DNER: variants seen among roughly 807,000 people sequenced by gnomAD.
The protein encoded by DNER is delta/notch like EGF repeat containing.
DNER carries 33 observed loss-of-function variants against 78.2 expected under a neutral mutation model. The ratio of observed to expected loss-of-function variants is 0.42; its 90% CI spans 0.32 to 0.56. The LOEUF (loss-of-function observed/expected upper bound fraction) is 0.56. DNER is among the 20% of genes least tolerant of loss of function. The pLI is 0.11. For synonymous variants in DNER, 417 were observed against 384.8 expected (o/e 1.08, Z -0.98); for missense variants, 918 against 975.3 (o/e 0.94, Z 0.78).
chr2:229,407,018 C>T (rs960134507), intron 10 of DNER, among the ~76,000 whole-genome samples: 5 of 152,154 alleles, frequency 3.3e-5, no homozygotes, highest in African/African-American at 7.2e-5. Flanking sequence ...TAAGTCTAGA[C>T]GCCAAACAAC....
At chr2:229,526,159 C>T (rs1392370039) in intron 5 of DNER, among the ~76,000 whole-genome samples, 1 of 152,148 alleles carries the variant, frequency 6.6e-6, no homozygotes, top group Admixed American at 6.6e-5. Flanking sequence ...ACAAAATAAA[C>T]CTTTCTTGCT....
intron 1 of DNER, among the ~76,000 whole-genome samples, chr2:229,651,630 A>G (rs1266800521): frequency 6.6e-6 from 1 of 152,174 alleles, no homozygotes; most frequent in Admixed American, 6.5e-5. Context: ...GTTTTAGATA[A>G]CTCAGCCTGG....
At chr2:229,566,786 C>A (rs776120877) in intron 4 of DNER, among the ~76,000 whole-genome samples, 12 of 152,182 alleles carry the variant, frequency 7.9e-5, no homozygotes, top group Non-Finnish European at 1.6e-4. Context: ...TTACCTGCTC[C>A]CCCAGATGTC....
intron 6 of DNER, among the ~76,000 whole-genome samples, chr2:229,491,784 A>T (rs1695404607): frequency 6.6e-6 from 1 of 152,098 alleles, no homozygotes. Flanking sequence ...GTTCAAACTG[A>T]TACTGTCTTT....
intron 4 of DNER, among the ~76,000 whole-genome samples, chr2:229,552,361 C>G (rs891243467): frequency 6.6e-6 from 1 of 152,148 alleles, no homozygotes; most frequent in African/African-American, 2.4e-5. Context: ...TCTGTAGAAC[C>G]ATTTGCTTCC....
intron 6 of DNER, among the ~76,000 whole-genome samples, chr2:229,512,432 A>T (rs6730758): frequency 0.12 from 18,762 of 151,876 alleles, 1,879 homozygotes; most frequent in African/African-American, 0.27. Flanking sequence ...TGGATGGGAC[A>T]GGATACTATC....
At chr2:229,388,419 T>C in intron 10 of DNER, 23 bp from the exon 11 acceptor site, 1 of 1,595,268 alleles carries the variant, frequency 6.3e-7, no homozygotes, top group Non-Finnish European at 8.5e-7. Context: ...GAAAAAGCAG[T>C]GGTGAAACCG....
chr2:229,585,897 G>A lies in DNER; in HGVS notation c.808C>T (p.Leu270=), dbSNP rs746765771. 3.1e-6 allele frequency: 5 copies of A among 1,613,938 alleles called. No homozygotes were observed. Among genetic ancestry groups the A allele is most frequent in the Non-Finnish European group, 4.2e-6 (5 of 1,179,994 alleles). The change falls in exon 4 of 13, where the codon CTG becomes TTG. Residue 270 remains leucine, a synonymous_variant. Transcript: ENST00000341772. ...TTCCCCAAGGCGAGCATCTCCTCCA[G>A]GAGGACCAGTCCCCCTGAAGCCTGA... ...PLQASGGLVL[L]EEMLALGNNH... is the part of the protein sequence containing the mutation.
intron 8 of DNER, among the ~76,000 whole-genome samples, chr2:229,434,656 C>A (rs1187645768): frequency 6.6e-6 from 1 of 151,924 alleles, no homozygotes; most frequent in Non-Finnish European, 1.5e-5. Flanking sequence ...TATTTGGTGA[C>A]TTAAGATTCT....
At chr2:229,691,203 G>T (rs1195099240) in intron 1 of DNER, among the ~76,000 whole-genome samples, 1 of 152,186 alleles carries the variant, frequency 6.6e-6, no homozygotes, top group African/African-American at 2.4e-5. Flanking sequence ...GAGAAATTGA[G>T]AAGAGACAAC....
intron 1 of DNER, chr2:229,701,857 C>A (rs1056896399): frequency 2.6e-5 from 4 of 156,348 alleles, no homozygotes; most frequent in African/African-American, 7.2e-5. Flanking sequence ...TATGAAACAG[C>A]AAAATCACAA....
chr2:229,606,988 G>T (rs1697953484), intron 1 of DNER, among the ~76,000 whole-genome samples: 2 of 152,002 alleles, frequency 1.3e-5, no homozygotes, highest in African/African-American at 2.4e-5. Flanking sequence ...GGACACATGG[G>T]ACTCACGCAC....
intron 4 of DNER, among the ~76,000 whole-genome samples, chr2:229,560,524 C>T (rs1270042397): frequency 2.6e-5 from 4 of 152,126 alleles, no homozygotes; most frequent in Admixed American, 2.6e-4. Flanking sequence ...AGACAAACAC[C>T]TGCAATCCCG....
At chr2:229,429,166 G>A (rs1375111627) in intron 8 of DNER, among the ~76,000 whole-genome samples, 1 of 152,148 alleles carries the variant, frequency 6.6e-6, no homozygotes, top group Non-Finnish European at 1.5e-5. Context: ...GAGAGACAAT[G>A]GGACACAGCA....
chr2:229,618,870 G>A (rs542961219), intron 1 of DNER, among the ~76,000 whole-genome samples: 131 of 152,148 alleles, frequency 8.6e-4, no homozygotes, highest in African/African-American at 3.0e-3. Context: ...AACACACAGT[G>A]GCTTATGTCT....
chr2:229,568,466 T>C (rs1697154380), intron 4 of DNER, among the ~76,000 whole-genome samples: 1 of 152,242 alleles, frequency 6.6e-6, no homozygotes. Flanking sequence ...TTCAGGCTTA[T>C]TTGTAGGAGT....
intron 8 of DNER, among the ~76,000 whole-genome samples, chr2:229,422,897 G>A (rs1693797064): frequency 6.6e-6 from 1 of 152,170 alleles, no homozygotes; most frequent in Non-Finnish European, 1.5e-5. Flanking sequence ...AAAAGCCCAA[G>A]GCATGCAGTG....
intron 1 of DNER, among the ~76,000 whole-genome samples, chr2:229,653,516 C>A (rs1466972326): frequency 6.6e-6 from 1 of 152,222 alleles, no homozygotes; most frequent in African/African-American, 2.4e-5. Context: ...CCAGCATCTT[C>A]AGCTCTGTGA....
intron 10 of DNER, among the ~76,000 whole-genome samples, chr2:229,398,501 A>G (rs908778274): frequency 1.3e-5 from 2 of 152,164 alleles, no homozygotes; most frequent in African/African-American, 4.8e-5. Context: ...TATTCCAAGA[A>G]GCTAGTTTTA....
Sources: allele counts gnomAD v4.1 joint callset (sites outside exome capture counted in the v4.1 genomes callset), GRCh38; gene constraint gnomAD v4.1.1; transcripts MANE v1.5; gene names NCBI Gene and HGNC (gene_info 2026-07-23, HGNC 2026-07-21).